SMAD7: variants seen among roughly 807,000 people sequenced by gnomAD.
SMAD7 encodes the protein MAD (mothers against decapentaplegic, Drosophila) homolog 7.
A neutral mutation model predicts 38.7 loss-of-function variants in SMAD7; 8 were observed. That is an observed-to-expected ratio of 0.21 (90% CI 0.12 to 0.37). The LOEUF is 0.37. Ranked by LOEUF, SMAD7 falls within the 10% of genes least tolerant of loss-of-function variation. The pLI is 1.00. For synonymous variants in SMAD7, 327 were observed against 265.1 expected (o/e 1.23, Z -2.27); for missense variants, 477 against 577.9 (o/e 0.83, Z 1.79).
intron 3 of SMAD7, among the ~76,000 whole-genome samples, chr18:48,929,352 C>T (rs778169737): frequency 1.2e-4 from 19 of 152,080 alleles, no homozygotes; most frequent in Non-Finnish European, 2.8e-4. Flanking sequence ...GACACAAGGG[C>T]TGGGACAAGC....
chr18:48,932,891 C>T (rs1161938898), intron 3 of SMAD7, among the ~76,000 whole-genome samples: 6 of 152,198 alleles, frequency 3.9e-5, no homozygotes, highest in Admixed American at 3.9e-4. Context: ...AAACATCCCA[C>T]TTCTCCTCTG....
intron 3 of SMAD7, among the ~76,000 whole-genome samples, chr18:48,939,730 A>G (rs1038925829): frequency 3.3e-5 from 5 of 152,122 alleles, no homozygotes; most frequent in Admixed American, 2.0e-4. Flanking sequence ...ACAGGAAGGA[A>G]AACAGCACAC....
chr18:48,943,760 G>A (rs2070167318), intron 2 of SMAD7, among the ~76,000 whole-genome samples: 2 of 152,332 alleles, frequency 1.3e-5, no homozygotes, highest in South Asian at 4.1e-4. Flanking sequence ...AAAAAAAAGA[G>A]CAGACGGGCA....
At chr18:48,946,537 C>T (rs1446452537) in intron 2 of SMAD7, among the ~76,000 whole-genome samples, 2 of 152,184 alleles carry the variant, frequency 1.3e-5, no homozygotes, top group African/African-American at 2.4e-5. Flanking sequence ...TACACAGCAG[C>T]GCCTTTTCTC....
At chr18:48,948,716 C>T (rs1270977920) in intron 1 of SMAD7, among the ~76,000 whole-genome samples, 2 of 152,240 alleles carry the variant, frequency 1.3e-5, no homozygotes, top group Non-Finnish European at 2.9e-5. Flanking sequence ...GAGCCGCGCA[C>T]TTCACAGTTC....
rs112298978 is a variant in SMAD7 at position 48,926,836 on chromosome 18, A to G, written c.743-4926T>C. Among the ~76,000 whole-genome samples the G allele has an allele frequency of 3.9e-3, 598 of 152,336 alleles. 6 individuals carry two copies. The highest frequency in any genetic ancestry group is 0.014 in the African/African-American group (562 of 41,576). ...CCCATCCCCTGCTCCCAACCCTGTC[A>G]GGAAATTGGCTGTTCTGATATCAAC... On this transcript the variant is annotated intron_variant, in intron 3 of 3. Coordinates refer to ENST00000262158, the MANE Select transcript of SMAD7 (RefSeq NM_005904.4).
chr18:48,943,031 G>A (rs1292799483), intron 2 of SMAD7, among the ~76,000 whole-genome samples: 5 of 152,126 alleles, frequency 3.3e-5, no homozygotes, highest in Admixed American at 2.0e-4. Context: ...TTGGGCTGCC[G>A]GGACTTCTTT....
At chr18:48,948,799 C>A (rs910939116) in intron 1 of SMAD7, among the ~76,000 whole-genome samples, 1 of 152,256 alleles carries the variant, frequency 6.6e-6, no homozygotes, top group Non-Finnish European at 1.5e-5. Flanking sequence ...CCTCGGCTCC[C>A]CGCCCCGGCC....
intron 3 of SMAD7, among the ~76,000 whole-genome samples, chr18:48,941,259 CCT>C (rs1486956157): frequency 1.3e-5 from 2 of 152,168 alleles, no homozygotes; most frequent in Non-Finnish European, 2.9e-5. Flanking sequence ...TCTCTAGGTC[CCT>C]CTTTTTCCTG....
At chr18:48,949,689 C>T (rs2070238140) in intron 1 of SMAD7, 123 bp downstream of exon 1, 3 of 1,086,230 alleles carry the variant, frequency 2.8e-6, no homozygotes, top group Admixed American at 3.1e-5. Context: ...GGTATGCACA[C>T]TCTCCCAGGA....
intron 3 of SMAD7, among the ~76,000 whole-genome samples, chr18:48,926,999 A>G (rs1006941928): frequency 3.9e-5 from 6 of 152,146 alleles, no homozygotes; most frequent in Non-Finnish European, 7.4e-5. Flanking sequence ...CCCTCCCCCA[A>G]ATAGAGACGC....
intron 3 of SMAD7, among the ~76,000 whole-genome samples, chr18:48,931,626 TA>T (rs781119344): frequency 1.9e-4 from 29 of 152,334 alleles, no homozygotes; most frequent in Non-Finnish European, 3.2e-4. Flanking sequence ...ATCTCATCAA[TA>T]GGGGGATCAT....
rs563976086 is a variant in SMAD7 at position 48,920,214 on chromosome 18, G to C, written c.*1158C>G. 1.1e-4 allele frequency: 17 copies of C among 152,160 alleles called. No homozygotes were observed. The highest frequency in any genetic ancestry group is 3.9e-4 in the African/African-American group (16 of 41,330). The allele number at this position is 152,160 out of a possible 1,614,324, so 9.4% of individuals were successfully genotyped here. A position where few individuals can be genotyped will look rare whatever the true frequency, so the allele number is the denominator to read the frequency against. ...AATTTCCAATGAGAATGCTTCTCTT[G>C]TTCATTTAAACCTTTGTAGTTAGAA... On this transcript the variant is annotated 3_prime_UTR_variant, in exon 4 of 4. Coordinates refer to ENST00000262158, the MANE Select transcript of SMAD7 (RefSeq NM_005904.4).
At chr18:48,949,373 G>A in intron 1 of SMAD7, 2 of 580,856 alleles carry the variant, frequency 3.4e-6, no homozygotes, top group Non-Finnish European at 4.3e-6. Context: ...TTTATAGCAC[G>A]CCTCTCCCAG....
At chr18:48,928,944 C>G (rs1452038217) in intron 3 of SMAD7, among the ~76,000 whole-genome samples, 1 of 152,140 alleles carries the variant, frequency 6.6e-6, no homozygotes, top group Non-Finnish European at 1.5e-5. Context: ...CTTCCTGTGC[C>G]CCAGCATTCA....
At chr18:48,941,627 G>A (rs576622608) in intron 3 of SMAD7, among the ~76,000 whole-genome samples, 6 of 152,266 alleles carry the variant, frequency 3.9e-5, no homozygotes, top group South Asian at 2.1e-4. Flanking sequence ...TTTTAAGGTC[G>A]TTTTCCCTCT....
At chr18:48,948,244 A>G (rs989555715) in intron 2 of SMAD7, 140 bp downstream of exon 2, 11 of 542,192 alleles carry the variant, frequency 2.0e-5, no homozygotes, top group Non-Finnish European at 3.3e-5. Flanking sequence ...AAAATTCACC[A>G]AACTTCCAAC....
chr18:48,936,558 T>A (rs2070069053), intron 3 of SMAD7, among the ~76,000 whole-genome samples: 1 of 152,218 alleles, frequency 6.6e-6, no homozygotes, highest in South Asian at 2.1e-4. Context: ...TTCTCTCAAA[T>A]GTCTCTACAA....
chr18:48,950,343 C>A lies in SMAD7; in HGVS notation c.82G>T (p.Ala28Ser), dbSNP rs2070248920. The change falls in exon 1 of 4, where the codon GCA becomes TCA. Residue 28 changes from alanine to serine, a missense_variant. Around this residue, in one of 2 missense-constraint regions of SMAD7, gnomAD observed 376 missense variants for 379.4 expected, o/e 0.99. Coordinates refer to ENST00000262158, the MANE Select transcript of SMAD7 (RefSeq NM_005904.4). Reference protein sequence around the residue: ...APGGEDEEEGAGGGGGGGELR... With the variant: ...APGGEDEEEGSGGGGGGGELR... ...TCGCCTCCTCCTCCACCTCCCCCTGCGCCCTCCTCCTCGTCCTCGCCGCCG... is the reference window on the plus strand; with the variant it reads ...TCGCCTCCTCCTCCACCTCCCCCTGAGCCCTCCTCCTCGTCCTCGCCGCCG... The A allele has an allele frequency of 1.3e-6, 2 of 1,542,172 alleles. No individual in the cohort carries two copies. Among genetic ancestry groups the A allele is most frequent in the Non-Finnish European group, 1.7e-6 (2 of 1,143,628 alleles).
Sources: gnomAD v4.1 joint callset for allele counts (sites outside exome capture counted in the v4.1 genomes callset) on GRCh38, gnomAD v4.1.1 for gene constraint, gnomAD v4.1.1 regional missense constraint, MANE v1.5 for transcripts, NCBI Gene and HGNC (gene_info 2026-07-23, HGNC 2026-07-21) for gene names.